The following MOSPD2 variants were observed in gnomAD, a reference collection of about 807,000 sequenced individuals.
MOSPD2 encodes motile sperm domain containing 2.
A neutral mutation model predicts 41.7 loss-of-function variants in MOSPD2; 5 were observed. The observed-to-expected ratio is 0.12, with a 90% confidence interval of 0.06 to 0.25. The LOEUF (loss-of-function observed/expected upper bound fraction) is 0.25. MOSPD2 is among the 10% of genes least tolerant of loss of function. MOSPD2 has a pLI of 1.00. For missense variants in MOSPD2, 282 were observed against 375.2 expected, an observed-to-expected ratio of 0.75 and a Z score of 2.05; for synonymous variants, 115 against 126.9, an observed-to-expected ratio of 0.91 and a Z score of 0.63.
intron 2 of MOSPD2, among the ~76,000 whole-genome samples, chrX:14,880,928 A>G (rs1312960960): frequency 8.9e-6 from 1 of 112,109 alleles, no homozygotes; most frequent in Non-Finnish European, 1.9e-5. Context: ...CAATATTGAC[A>G]TCAAGATTAT....
At chrX:14,911,445 C>G in intron 9 of MOSPD2, 32 bp downstream of exon 9, 1 of 1,069,826 alleles carries the variant, frequency 9.3e-7, no homozygotes, top group Non-Finnish European at 1.3e-6. Flanking sequence ...AACTGAATCA[C>G]AAGATGTGGT....
chrX:14,875,289 A>C (rs2092517974), intron 2 of MOSPD2, among the ~76,000 whole-genome samples: 1 of 112,050 alleles, frequency 8.9e-6, no homozygotes, highest in Non-Finnish European at 1.9e-5. Context: ...TCCAGCTTGA[A>C]ACCCTTCAGT....
At chrX:14,887,057 C>A (rs759613320) in intron 2 of MOSPD2, among the ~76,000 whole-genome samples, 44 of 111,967 alleles carry the variant, frequency 3.9e-4, no homozygotes, top group Non-Finnish European at 7.5e-4. Context: ...CCATCCAATA[C>A]GAATGCTCTC....
intron 8 of MOSPD2, among the ~76,000 whole-genome samples, chrX:14,909,885 C>T (rs1240995264): frequency 1.8e-5 from 2 of 110,773 alleles, no homozygotes; most frequent in African/African-American, 6.5e-5. Flanking sequence ...CACATTTTCA[C>T]CTAGAAAAAC....
Position 14,919,853 on chromosome X carries a change from T to C in MOSPD2, c.*44T>C. On this transcript the variant is annotated 3_prime_UTR_variant, in exon 15 of 15. Coordinates refer to ENST00000380492, the MANE Select transcript of MOSPD2 (RefSeq NM_152581.4). Reference sequence around the variant, plus strand: ...GAACCACGGTTCCTTCGTCCATTAGTTGGAAAAAGTAACAGACCTAAAACT... The same window carrying C: ...GAACCACGGTTCCTTCGTCCATTAGCTGGAAAAAGTAACAGACCTAAAACT... The C allele has an allele frequency of 1.6e-5, 19 of 1,173,602 alleles. No individual in the cohort carries two copies. The highest frequency in any genetic ancestry group is 2.2e-5 in the Non-Finnish European group (19 of 877,837).
At chrX:14,888,563 G>A (rs868471641) in intron 2 of MOSPD2, among the ~76,000 whole-genome samples, 15 of 111,323 alleles carry the variant, frequency 1.3e-4, no homozygotes, top group Middle Eastern at 4.6e-3. Flanking sequence ...GGAACTGTAA[G>A]TCCATTAAAC....
Position 14,908,960 on chromosome X carries a change from C to T in MOSPD2, c.678C>T (p.Tyr226=). Residue 226 remains tyrosine, a synonymous_variant, in exon 8 of 15, where the codon TAC becomes TAT. Coordinates refer to ENST00000380492, the MANE Select transcript of MOSPD2 (RefSeq NM_152581.4). ...TCCAGGACTATGTCAGTGTAGAATA[C>T]CTGCCTCCCCACATGGGTGGAACTG... ...NEVQDYVSVE[Y]LPPHMGGTDP... is the part of the protein sequence containing the mutation. The T allele has an allele frequency of 8.6e-7, 1 of 1,162,559 alleles. No individual in the cohort carries two copies. Among genetic ancestry groups the T allele is most frequent in the East Asian group, 3.1e-5 (1 of 32,680 alleles).
chrX:14,918,725 G>A lies in MOSPD2; in HGVS notation c.1362G>A (p.Thr454=), dbSNP rs370255652. The A allele has an allele frequency of 8.3e-6, 10 of 1,202,979 alleles. No individual in the cohort carries two copies. Among genetic ancestry groups the A allele is most frequent in the Admixed American group, 2.2e-5 (1 of 45,768 alleles). ...TVESSKPNTL[T]LKDNAFNMSD... is the part of the protein sequence containing the mutation. The stretch of plus-strand genomic sequence containing the variant: ...AAAGCAGTAAACCAAACACTCTTAC[G>A]TTAAAAGACAATGCTTTCAATATGT... Residue 454 remains threonine (T), a synonymous_variant, in exon 14 of 15, where the codon ACG becomes ACA. Coordinates refer to ENST00000380492, the MANE Select transcript of MOSPD2 (RefSeq NM_152581.4).
At chrX:14,915,042 C>T (rs770340367) in intron 11 of MOSPD2, among the ~76,000 whole-genome samples, 3 of 111,579 alleles carry the variant, frequency 2.7e-5, no homozygotes, top group South Asian at 3.7e-4. Flanking sequence ...AGACTAAGTC[C>T]GTCACTACCC....
intron 1 of MOSPD2, 66 bp downstream of exon 1, chrX:14,873,603 C>G: frequency 8.3e-7 from 1 of 1,208,083 alleles, no homozygotes. Context: ...GCCCGGGGAC[C>G]GAGCGCCCGT....
At chrX:14,898,906 T>C (rs1481549687) in intron 5 of MOSPD2, among the ~76,000 whole-genome samples, 1 of 110,832 alleles carries the variant, frequency 9.0e-6, no homozygotes, top group Non-Finnish European at 1.9e-5. Context: ...TCACAAAGAA[T>C]TTAAGTGAGC....
intron 8 of MOSPD2, among the ~76,000 whole-genome samples, chrX:14,910,675 A>G (rs2092589908): frequency 9.0e-6 from 1 of 111,609 alleles, no homozygotes; most frequent in African/African-American, 3.3e-5. Context: ...AATTTCCTCT[A>G]AAGAGATTGT....
chrX:14,912,313 C>G lies in MOSPD2; in HGVS notation c.944C>G (p.Ala315Gly). 1 of 1,186,186 alleles carries G rather than the reference C, an allele frequency of 8.4e-7. No homozygotes were observed. Among genetic ancestry groups the G allele is most frequent in the Non-Finnish European group, 1.1e-6 (1 of 883,926 alleles). Residue 315 changes from alanine (A) to glycine (G), a missense_variant, in exon 10 of 15, where the codon GCT becomes GGT. Ala to Gly is a moderately conservative substitution (Grantham distance 60, BLOSUM62 0). Coordinates refer to ENST00000380492, the MANE Select transcript of MOSPD2 (RefSeq NM_152581.4). ...GAAAAAGTTGATTCAAAAGTGAAAG[C>G]TTTCAAGAAACCATTGAGTGTATTT... Reference protein sequence around the residue: ...ENEKVDSKVKAFKKPLSVFKG... With the variant: ...ENEKVDSKVKGFKKPLSVFKG...
intron 13 of MOSPD2, among the ~76,000 whole-genome samples, chrX:14,917,098 C>T (rs935706904): frequency 8.9e-6 from 1 of 111,757 alleles, no homozygotes; most frequent in Non-Finnish European, 1.9e-5. Flanking sequence ...ATGGGGGCAG[C>T]ATAGGGATGC....
At chrX:14,906,302 T>C (rs994689538) in intron 7 of MOSPD2, among the ~76,000 whole-genome samples, 3 of 111,774 alleles carry the variant, frequency 2.7e-5, no homozygotes, top group African/African-American at 9.8e-5. Context: ...TTATGGTCAG[T>C]TGATTTTTTT....
chrX:14,910,420 G>A (rs1225211587), intron 8 of MOSPD2, among the ~76,000 whole-genome samples: 1 of 111,077 alleles, frequency 9.0e-6, no homozygotes, highest in Non-Finnish European at 1.9e-5. Context: ...GATTCACAGA[G>A]GTCTATCTCA....
intron 7 of MOSPD2, among the ~76,000 whole-genome samples, 180 bp from the exon 8 acceptor site, chrX:14,908,680 A>G (rs914794664): frequency 8.9e-6 from 1 of 112,033 alleles, no homozygotes; most frequent in African/African-American, 3.2e-5. Context: ...CCCATAAGGG[A>G]GAGCCACAAT....
Position 14,920,361 on chromosome X carries a change from T to C in MOSPD2, c.*552T>C. The C allele has an allele frequency of 1.3e-6, 1 of 754,006 alleles. No individual in the cohort carries two copies. Among genetic ancestry groups the C allele is most frequent in the Non-Finnish European group, 1.6e-6 (1 of 638,595 alleles). 62.1% of individuals were successfully genotyped at this position (754,006 alleles called of 1,213,427 possible). A position where few individuals can be genotyped will look rare whatever the true frequency, so the allele number is the denominator to read the frequency against. Reference sequence around the variant, plus strand: ...CCTCCCAGTGATGGTCAGTATTCTTTTGGAATGTAAACCGATTTAATGCCA... The same window carrying C: ...CCTCCCAGTGATGGTCAGTATTCTTCTGGAATGTAAACCGATTTAATGCCA... On this transcript the variant is annotated 3_prime_UTR_variant, in exon 15 of 15. Coordinates refer to ENST00000380492, the MANE Select transcript of MOSPD2 (RefSeq NM_152581.4).
At chrX:14,904,376 C>T (rs1266854616) in intron 7 of MOSPD2, among the ~76,000 whole-genome samples, 1 of 111,752 alleles carries the variant, frequency 8.9e-6, no homozygotes. Flanking sequence ...ATGTGATCAT[C>T]TCAAGAGACA....
Sources: gnomAD v4.1 joint callset for allele counts (sites outside exome capture counted in the v4.1 genomes callset) on GRCh38, gnomAD v4.1.1 for gene constraint, MANE v1.5 for transcripts, NCBI Gene and HGNC (gene_info 2026-07-23, HGNC 2026-07-21) for gene names.